ZNF606: variants seen among roughly 807,000 people sequenced by gnomAD.
The protein encoded by ZNF606 is zinc finger protein 328.
ZNF606 carries 37 observed loss-of-function variants against 74.9 expected under a neutral mutation model. The observed-to-expected ratio is 0.49, with a 90% CI of 0.38 to 0.65. The LOEUF (loss-of-function observed/expected upper bound fraction) is 0.65, where lower values mean the gene tolerates loss of function less well. ZNF606 is among the 30% of genes least tolerant of loss of function. ZNF606 has a pLI of 0.00. For synonymous variants in ZNF606, 328 were observed against 312.4 expected, an observed-to-expected ratio of 1.05 and a Z score of -0.53; for missense variants, 852 against 952.9, an observed-to-expected ratio of 0.89 and a Z score of 1.39.
chr19:58,001,477 A>G, intron 1 of ZNF606, 107 bp from the exon 2 acceptor site: 2 of 781,778 alleles, frequency 2.6e-6, no homozygotes, highest in Non-Finnish European at 4.2e-6. Context: ...ACTTGTAAGG[A>G]GCATCGTAAG....
chr19:57,985,608 C>G (rs1440372838), intron 6 of ZNF606, among the ~76,000 whole-genome samples: 1 of 152,046 alleles, frequency 6.6e-6, no homozygotes, highest in Non-Finnish European at 1.5e-5. Context: ...GAAGCTCCAA[C>G]CTAGAAGGCT....
At chr19:57,992,044 T>G (rs1424548447) in intron 4 of ZNF606, among the ~76,000 whole-genome samples, 1 of 152,162 alleles carries the variant, frequency 6.6e-6, no homozygotes, top group Non-Finnish European at 1.5e-5. Context: ...GCTGGTAGAC[T>G]AAGCCACAAA....
intron 3 of ZNF606, 193 bp from the exon 4 acceptor site, chr19:58,000,089 G>A (rs2073395748): frequency 2.0e-5 from 10 of 508,334 alleles, no homozygotes; most frequent in Non-Finnish European, 2.7e-5. Context: ...ATCTCTCATT[G>A]GCCCCCCCTG....
At chr19:57,994,149 G>A in intron 4 of ZNF606, among the ~76,000 whole-genome samples, 1 of 152,146 alleles carries the variant, frequency 6.6e-6, no homozygotes, top group Non-Finnish European at 1.5e-5. Context: ...CTACAAGAGA[G>A]GCTGAGAGAA....
chr19:57,995,350 G>A (rs2073320889), intron 4 of ZNF606, among the ~76,000 whole-genome samples: 1 of 152,026 alleles, frequency 6.6e-6, no homozygotes, highest in East Asian at 1.9e-4. Context: ...GGGGAAAGAG[G>A]AACTTATAAA....
intron 6 of ZNF606, among the ~76,000 whole-genome samples, chr19:57,984,545 A>G (rs2073136540): frequency 6.6e-6 from 1 of 152,276 alleles, no homozygotes; most frequent in African/African-American, 2.4e-5. Context: ...CACATTGCCA[A>G]AAATAATAAG....
chr19:57,987,951 G>C (rs1377919016), intron 6 of ZNF606, among the ~76,000 whole-genome samples: 1 of 152,182 alleles, frequency 6.6e-6, no homozygotes, highest in Non-Finnish European at 1.5e-5. Flanking sequence ...ATGGATAAGA[G>C]GTAACCTTAG....
chr19:57,984,126 G>A (rs2073130310), intron 6 of ZNF606, among the ~76,000 whole-genome samples: 1 of 152,220 alleles, frequency 6.6e-6, no homozygotes, highest in Admixed American at 6.5e-5. Flanking sequence ...AAAATCTTGG[G>A]AGTTAGAAGA....
intron 4 of ZNF606, among the ~76,000 whole-genome samples, chr19:57,991,497 G>C (rs1385114559): frequency 2.6e-5 from 4 of 152,042 alleles, no homozygotes; most frequent in Non-Finnish European, 4.4e-5. Context: ...GTAATGTAAG[G>C]TTTTTTTATT....
chr19:57,978,462 G>A lies in ZNF606; in HGVS notation c.2218C>T (p.His740Tyr). 6.2e-7 allele frequency: 1 copy of A among 1,613,884 alleles called. No individual in the cohort carries two copies. Among genetic ancestry groups the A allele is most frequent in the South Asian group, 1.1e-5 (1 of 91,062 alleles). ...TTCTTACAAAATGCTTTTTCACAATGATTACATTTGTAGGGCTTTTCTCCA... is the reference window on the plus strand; with the variant it reads ...TTCTTACAAAATGCTTTTTCACAATAATTACATTTGTAGGGCTTTTCTCCA... ...HTGEKPYKCN[H>Y]CEKAFCKNSS... is the part of the protein sequence containing the mutation. Residue 740 changes from histidine to tyrosine, a missense_variant, in exon 7 of 7, where the codon CAT becomes TAT. By Grantham distance (83) the His-to-Tyr change is moderately conservative. Around this residue, in one of 3 missense-constraint regions of ZNF606, gnomAD observed 243 missense variants for 359.2 expected, o/e 0.68. Transcript: ENST00000551380. This position sits in a 1 kb window ranked among gnomAD's most constrained non-coding sequence, Gnocchi z 4.4.
At chr19:57,980,331 A>G (rs1392255969) in intron 6 of ZNF606, 52 bp from the exon 7 acceptor site, 2 of 1,522,584 alleles carry the variant, frequency 1.3e-6, no homozygotes, top group Non-Finnish European at 1.8e-6. Flanking sequence ...ACATTAGAAT[A>G]AAGTGGGAAT....
intron 4 of ZNF606, chr19:57,998,639 T>C (rs1262557566): frequency 1.3e-5 from 2 of 152,206 alleles, no homozygotes; most frequent in African/African-American, 4.8e-5. Context: ...ATACTGGTGA[T>C]TGTTGCACAA....
chr19:57,977,135 A>G lies in ZNF606; in HGVS notation c.*1166T>C, dbSNP rs964496316. On this transcript the variant is annotated 3_prime_UTR_variant, in exon 7 of 7. Coordinates refer to ENST00000551380, the MANE Select transcript of ZNF606 (RefSeq NM_001348022.3). ...AATCTCTGCTATAGAAACACTGAAG[A>G]AAATGGGAAAAAAAATCACTGGAGA... 1 of 152,026 alleles carries G rather than the reference A, an allele frequency of 6.6e-6. No individual in the cohort carries two copies. Among genetic ancestry groups the G allele is most frequent in the Admixed American group, 6.5e-5 (1 of 15,296 alleles). 9.4% of individuals were successfully genotyped at this position (152,026 alleles called of 1,614,324 possible). A position where few individuals can be genotyped will look rare whatever the true frequency, so the allele number is the denominator to read the frequency against.
chr19:58,000,272 A>C (rs919598460), intron 3 of ZNF606: 58 of 438,844 alleles, frequency 1.3e-4, no homozygotes, highest in Non-Finnish European at 1.9e-4. Context: ...CCCAGGCTGG[A>C]GTGCAGTGGC....
At chr19:57,995,741 C>G (rs905486858) in intron 4 of ZNF606, among the ~76,000 whole-genome samples, 1 of 152,116 alleles carries the variant, frequency 6.6e-6, no homozygotes, top group African/African-American at 2.4e-5. Context: ...ATCCTTTGAA[C>G]CCGGGAGGCG....
rs1306819609 is a variant in ZNF606 at position 57,979,901 on chromosome 19, G to C, written c.779C>G (p.Thr260Ser). 6.2e-7 allele frequency: 1 copy of C among 1,613,926 alleles called. No homozygotes were observed. Among genetic ancestry groups the C allele is most frequent in the Non-Finnish European group, 8.5e-7 (1 of 1,180,022 alleles). The change falls in exon 7 of 7, where the codon ACC (threonine) becomes AGC (serine). Residue 260 changes from threonine to serine, a missense_variant. This residue lies in a region of ZNF606 where 545 missense variants were observed against 542.5 expected (regional missense o/e 1.00). Coordinates refer to ENST00000551380, the MANE Select transcript of ZNF606 (RefSeq NM_001348022.3). ...DSAIMYADKV[T>S]CENNDYDKTV... Reference sequence around the variant, plus strand: ...TTTGTCATAATCATTATTTTCACAGGTAACCTTATCTGCATACATTATGGC... The same window carrying C: ...TTTGTCATAATCATTATTTTCACAGCTAACCTTATCTGCATACATTATGGC...
intron 3 of ZNF606, chr19:58,000,240 G>C: frequency 2.9e-6 from 1 of 340,880 alleles, no homozygotes; most frequent in Non-Finnish European, 5.1e-6. Flanking sequence ...TTTTTTTTTT[G>C]AGACTGAGTC....
chr19:57,999,864 C>G lies in ZNF606; in HGVS notation c.121G>C (p.Glu41Gln). The G allele has an allele frequency of 6.2e-7, 1 of 1,614,098 alleles. No homozygotes were observed. The highest frequency in any genetic ancestry group is 8.5e-7 in the Non-Finnish European group (1 of 1,180,040). The change falls in exon 4 of 7, where the codon GAG becomes CAG. Residue 41 changes from glutamate (E) to glutamine (Q), a missense_variant. Physicochemically the swap from Glu to Gln is conservative, Grantham distance 29. Transcript: ENST00000551380. ...CTCCTCCCCTCCTCCAGGCTTCCCT[C>G]CACGTGCCAGGCAGGATACTGAGGA... ...LCPQYPAWHV[E>Q]GSLEEGRRAT...
intron 6 of ZNF606, among the ~76,000 whole-genome samples, chr19:57,986,543 A>G (rs988651408): frequency 2.0e-5 from 3 of 152,160 alleles, no homozygotes; most frequent in Non-Finnish European, 4.4e-5. Flanking sequence ...AGCAATAAAG[A>G]TAGCTACATA....
Sources: gnomAD v4.1 joint callset for allele counts (sites outside exome capture counted in the v4.1 genomes callset) on GRCh38, gnomAD v4.1.1 for gene constraint, gnomAD v4.1.1 regional missense constraint, Gnocchi (gnomAD v3.1) non-coding constraint, MANE v1.5 for transcripts, NCBI Gene and HGNC (gene_info 2026-07-23, HGNC 2026-07-21) for gene names.